DPP10: variants seen among roughly 807,000 people sequenced by gnomAD.
DPP10 encodes dipeptidyl peptidase like 10.
Under a neutral mutation model 120.9 loss-of-function variants are expected in DPP10, and 33 were observed. The ratio of observed to expected loss-of-function variants is 0.27; its 90% CI spans 0.21 to 0.37. The LOEUF (loss-of-function observed/expected upper bound fraction) is 0.37. Among genes scored for constraint, DPP10 ranks in the 10% least tolerant of loss-of-function variants. The probability of loss-of-function intolerance (pLI) is 1.00; values close to 1 mark genes in which losing one functional copy is unlikely to be tolerated. For missense variants in DPP10, 816 were observed against 942.8 expected (o/e 0.87, Z 1.76); for synonymous variants, 337 against 326.1 (o/e 1.03, Z -0.36).
At chr2:115,105,451 GAGA>G (rs774470110) in intron 1 of DPP10, among the ~76,000 whole-genome samples, 4 of 137,332 alleles carry the variant, frequency 2.9e-5, no homozygotes, top group African/African-American at 8.9e-5. Context: ...GAGAGAGAGA[GAGA>G]GAGGAGAAGC....
chr2:114,474,380 C>T (rs1275935835), intron 1 of DPP10, among the ~76,000 whole-genome samples: 1 of 152,176 alleles, frequency 6.6e-6, no homozygotes, highest in East Asian at 1.9e-4. Context: ...GTCAACAAAA[C>T]CTTAGCCAAC....
At chr2:115,016,971 A>G (rs1341844830) in intron 1 of DPP10, among the ~76,000 whole-genome samples, 1 of 150,210 alleles carries the variant, frequency 6.7e-6, no homozygotes. Flanking sequence ...AAAACCAAAC[A>G]CCGCATGTTC....
intron 1 of DPP10, among the ~76,000 whole-genome samples, chr2:115,016,705 C>T (rs1279425059): frequency 6.6e-6 from 1 of 151,652 alleles, no homozygotes; most frequent in African/African-American, 2.4e-5. Context: ...TATGAACAGA[C>T]ATTTCTCAAA....
chr2:114,520,565 G>T (rs963939661), intron 1 of DPP10, among the ~76,000 whole-genome samples: 2 of 152,172 alleles, frequency 1.3e-5, no homozygotes, highest in African/African-American at 4.8e-5. Flanking sequence ...ACAATGTATA[G>T]AATTCTAGTA....
intron 1 of DPP10, among the ~76,000 whole-genome samples, chr2:114,991,882 C>T (rs1700772804): frequency 1.3e-5 from 2 of 152,056 alleles, no homozygotes; most frequent in Admixed American, 1.3e-4. Context: ...CAGGCAAGTC[C>T]ACAGATGGAA....
intron 1 of DPP10, among the ~76,000 whole-genome samples, chr2:114,897,594 C>T (rs1330838009): frequency 6.6e-6 from 1 of 151,750 alleles, no homozygotes; most frequent in Non-Finnish European, 1.5e-5. Flanking sequence ...TCACAACCTA[C>T]TCATCTGACA....
chr2:114,894,774 A>G (rs1360967929), intron 1 of DPP10, among the ~76,000 whole-genome samples: 2 of 152,178 alleles, frequency 1.3e-5, no homozygotes, highest in Non-Finnish European at 2.9e-5. Context: ...AAAAATAACT[A>G]CATTATTATA....
chr2:114,608,004 A>G (rs1162617458), intron 1 of DPP10, among the ~76,000 whole-genome samples: 1 of 152,144 alleles, frequency 6.6e-6, no homozygotes, highest in African/African-American at 2.4e-5. Flanking sequence ...ATGAGCCTCA[A>G]GGTTTTCATC....
chr2:114,899,323 G>GA (rs1693337459), intron 1 of DPP10, among the ~76,000 whole-genome samples: 2 of 151,622 alleles, frequency 1.3e-5, no homozygotes, highest in South Asian at 2.1e-4. Flanking sequence ...AGACAACCAC[G>GA]AAAAAAATGC....
intron 5 of DPP10, among the ~76,000 whole-genome samples, chr2:115,557,449 A>T (rs985370124): frequency 1.3e-5 from 2 of 152,194 alleles, no homozygotes; most frequent in Admixed American, 1.3e-4. Context: ...GAGTTTCTTC[A>T]TCAAGAACCC....
intron 5 of DPP10, among the ~76,000 whole-genome samples, chr2:115,657,708 C>G (rs1481029743): frequency 6.6e-6 from 1 of 151,812 alleles, no homozygotes; most frequent in African/African-American, 2.4e-5. Context: ...GTGGAAGATG[C>G]ATCATCACGC....
At chr2:115,836,831 C>A in intron 24 of DPP10, 85 bp downstream of exon 24, 1 of 1,261,452 alleles carries the variant, frequency 7.9e-7, no homozygotes, top group South Asian at 1.5e-5. Flanking sequence ...ACAGGAAGCC[C>A]TGTAAACCTT....
chr2:115,490,597 G>A (rs974690450), intron 3 of DPP10, among the ~76,000 whole-genome samples: 1 of 152,060 alleles, frequency 6.6e-6, no homozygotes, highest in African/African-American at 2.4e-5. Context: ...TGTTCCCTGG[G>A]CCATGGTCAC....
intron 1 of DPP10, among the ~76,000 whole-genome samples, chr2:114,660,451 C>G (rs79536200): frequency 1.3e-5 from 2 of 152,264 alleles, no homozygotes; most frequent in East Asian, 3.9e-4. Context: ...GGCTTAAGAC[C>G]AGGTGCCCTG....
intron 21 of DPP10, among the ~76,000 whole-genome samples, chr2:115,824,222 AT>A (rs1255671046): frequency 2.0e-5 from 3 of 152,124 alleles, no homozygotes; most frequent in African/African-American, 7.2e-5. Context: ...GTTTAGTTTA[AT>A]TTTTTGCTTT....
intron 1 of DPP10, among the ~76,000 whole-genome samples, chr2:114,771,574 A>G (rs1261268292): frequency 6.6e-6 from 1 of 152,234 alleles, no homozygotes; most frequent in Non-Finnish European, 1.5e-5. Flanking sequence ...GATACCAAGA[A>G]AGATAAAGAT....
intron 7 of DPP10, among the ~76,000 whole-genome samples, chr2:115,709,996 T>G (rs185286678): frequency 3.5e-4 from 53 of 152,160 alleles, no homozygotes; most frequent in African/African-American, 1.3e-3. Flanking sequence ...GCGAAACTGT[T>G]GAAAACTAAA....
chr2:115,127,463 A>G (rs932540591), intron 1 of DPP10, among the ~76,000 whole-genome samples: 10 of 152,254 alleles, frequency 6.6e-5, no homozygotes, highest in African/African-American at 2.4e-4. Context: ...GTCTTTGCCT[A>G]CCATACACTG....
intron 3 of DPP10, among the ~76,000 whole-genome samples, chr2:115,429,752 A>G (rs1435542625): frequency 2.0e-5 from 3 of 152,204 alleles, no homozygotes; most frequent in South Asian, 4.1e-4. Context: ...AGAGGCAACA[A>G]TTAAGTTGGA....
Sources: allele counts gnomAD v4.1 joint callset (sites outside exome capture counted in the v4.1 genomes callset), GRCh38; gene constraint gnomAD v4.1.1; transcripts MANE v1.5; gene names NCBI Gene and HGNC (gene_info 2026-07-23, HGNC 2026-07-21).